MBD3: variants seen among roughly 807,000 people sequenced by gnomAD.
The protein encoded by MBD3 is methyl-CpG-binding domain protein 3.
A neutral mutation model predicts 31.2 loss-of-function variants in MBD3; 13 were observed. That is an observed-to-expected ratio of 0.42 (90% CI 0.27 to 0.66). The LOEUF (loss-of-function observed/expected upper bound fraction) is 0.66, where lower values mean the gene tolerates loss of function less well. MBD3 is among the 30% of genes least tolerant of loss of function. MBD3 has a pLI of 0.26. For synonymous variants in MBD3, 223 were observed against 187.4 expected, an observed-to-expected ratio of 1.19 and a Z score of -1.55; for missense variants, 440 against 426.5, an observed-to-expected ratio of 1.03 and a Z score of -0.28.
chr19:1,575,357 G>A lies in MBD3; in HGVS notation c.*2807C>T, dbSNP rs926330422. ...GGAGGTTGCAGTGAGCCCAGATCAC[G>A]CCACTGCACTCCAGCCTGTGCAACA... On this transcript the variant is annotated 3_prime_UTR_variant, in exon 7 of 7. Coordinates refer to ENST00000434436, the MANE Select transcript of MBD3 (RefSeq NM_001281453.2). 14 of 416,556 alleles carry A rather than the reference G, an allele frequency of 3.4e-5. No individual in the cohort carries two copies. The highest frequency in any genetic ancestry group is 1.4e-4 in the African/African-American group (7 of 48,432). 25.8% of individuals were successfully genotyped at this position (416,556 alleles called of 1,614,324 possible). A position where few individuals can be genotyped will look rare whatever the true frequency, so the allele number is the denominator to read the frequency against.
chr19:1,582,568 C>A lies in MBD3; in HGVS notation c.499+54G>T, dbSNP rs375272004. 1.9e-6 allele frequency: 3 copies of A among 1,553,526 alleles called. 1 individual carries two copies. The highest frequency in any genetic ancestry group is 2.3e-5 in the South Asian group (2 of 87,902). ...CCAGGAGATGAGGGCACCTGCAGCA[C>A]CTCCACCCCACCCGGCACATCCCCT... On this transcript the variant is annotated intron_variant, in intron 4 of 6. Transcript: ENST00000434436.
At chr19:1,579,530 A>G (rs552695542) in intron 5 of MBD3, among the ~76,000 whole-genome samples, 1 of 152,166 alleles carries the variant, frequency 6.6e-6, no homozygotes, top group Non-Finnish European at 1.5e-5. Flanking sequence ...TTTCAGTCCC[A>G]GGCAAAGCTG....
At chr19:1,584,747 GC>G in intron 2 of MBD3, 70 bp from the exon 3 acceptor site, 1 of 1,505,628 alleles carries the variant, frequency 6.6e-7, no homozygotes, top group South Asian at 1.2e-5. Context: ...GGGGTGCGGG[GC>G]CCGGGTGACC....
intron 1 of MBD3, 152 bp downstream of exon 1, chr19:1,592,370 G>A (rs2060708374): frequency 5.3e-6 from 1 of 187,516 alleles, no homozygotes; most frequent in South Asian, 1.9e-4. Flanking sequence ...GGGCCTCCGC[G>A]CGCCGGGCGC....
In MBD3 at chr19:1,578,375, C is replaced by G. The variant is rs1568272990; in HGVS notation, c.841G>C (p.Glu281Gln). 1.4e-6 allele frequency: 2 copies of G among 1,379,490 alleles called. No homozygotes were observed. The highest frequency in any genetic ancestry group is 1.9e-6 in the Non-Finnish European group (2 of 1,034,128). 85.5% of individuals were successfully genotyped at this position (1,379,490 alleles called of 1,614,324 possible). The stretch of plus-strand genomic sequence containing the variant: ...TCCATCTCCGGGTCCGGGTCGGGCT[C>G]CTCCTCCTCCTCCTCCTCGTCTTCC... ...DEEDEEEEEE[E>Q]PDPDPEMEHV Residue 281 changes from glutamate to glutamine, a missense_variant, in exon 6 of 7, where the codon GAG becomes CAG. Around this residue, in one of 3 missense-constraint regions of MBD3, gnomAD observed 117 missense variants for 95.0 expected, o/e 1.23. Coordinates refer to ENST00000434436, the MANE Select transcript of MBD3 (RefSeq NM_001281453.2). The surrounding 1 kb of genome is among the most constrained non-coding windows in gnomAD (Gnocchi z 6.1).
intron 5 of MBD3, among the ~76,000 whole-genome samples, chr19:1,580,612 G>A (rs904033498): frequency 6.6e-5 from 10 of 152,222 alleles, no homozygotes; most frequent in African/African-American, 2.4e-4. Context: ...GTTCGGCCCT[G>A]AGGCCCCGCA....
Position 1,578,641 on chromosome 19 carries a change from T to A in MBD3, c.678-103A>T. 4 of 1,595,608 alleles carry A rather than the reference T, an allele frequency of 2.5e-6. No individual in the cohort carries two copies. Among genetic ancestry groups the A allele is most frequent in the East Asian group, 4.5e-5 (2 of 44,798 alleles). On this transcript the variant is annotated intron_variant, in intron 5 of 6. Transcript: ENST00000434436. The surrounding 1 kb of genome is among the most constrained non-coding windows in gnomAD (Gnocchi z 6.1). ...CAGCTGGGAGGGGAGGCCCGAGGGA[T>A]CCACAGGCACCCCCCCAGGACCAGC...
intron 3 of MBD3, 119 bp from the exon 4 acceptor site, chr19:1,582,831 C>A: frequency 1.2e-6 from 1 of 806,784 alleles, no homozygotes; most frequent in Non-Finnish European, 2.1e-6. Flanking sequence ...CCCAATGGGG[C>A]ATCTCCCCTC....
Position 1,584,648 on chromosome 19 carries a change from G to C in MBD3, c.300C>G (p.Pro100=). Reference sequence around the variant, plus strand: ...TGAAGATGGACGCCGTCTGGCGCACGGGCAGCGCCGTGTTCAGGTCGGGCT... The same window carrying C: ...TGAAGATGGACGCCGTCTGGCGCACCGGCAGCGCCGTGTTCAGGTCGGGCT... ...KGKPDLNTAL[P]VRQTASIFKQ... The change falls in exon 3 of 7, where the codon CCC becomes CCG. Residue 100 remains proline (P), a synonymous_variant. Transcript: ENST00000434436. 5 of 1,613,310 alleles carry C rather than the reference G, an allele frequency of 3.1e-6. No individual in the cohort carries two copies. Among genetic ancestry groups the C allele is most frequent in the Non-Finnish European group, 4.2e-6 (5 of 1,179,848 alleles).
rs1049925102 is a variant in MBD3, at chr19:1,576,485, T to A, written c.*1679A>T. 1.3e-5 allele frequency: 2 copies of A among 152,252 alleles called. No individual in the cohort carries two copies. The highest frequency in any genetic ancestry group is 4.8e-5 in the African/African-American group (2 of 41,450). The allele number at this position is 152,252 out of a possible 1,614,324, so 9.4% of individuals were successfully genotyped here. ...AGCGGCACCTCAGGGGGCACGGCCC[T>A]TGCCCACAGATGCCCAGGCCGGCCT... On this transcript the variant is annotated 3_prime_UTR_variant, in exon 7 of 7. Coordinates refer to ENST00000434436, the MANE Select transcript of MBD3 (RefSeq NM_001281453.2).
At chr19:1,591,130 G>A (rs1305275794) in intron 1 of MBD3, among the ~76,000 whole-genome samples, 1 of 152,116 alleles carries the variant, frequency 6.6e-6, no homozygotes, top group Non-Finnish European at 1.5e-5. Context: ...TCAATGTCAC[G>A]TCCTCAGAGA....
intron 1 of MBD3, among the ~76,000 whole-genome samples, chr19:1,586,701 CTG>C (rs1046726844): frequency 6.7e-5 from 10 of 150,276 alleles, no homozygotes; most frequent in African/African-American, 2.2e-4. Context: ...GAGTCTCACT[CTG>C]TCGCCCAGGC....
At position 1,582,732 on chromosome 19, in the gene MBD3, G is replaced by A. The variant is rs144681868; in HGVS notation, c.409-20C>T. 1 of 1,606,320 alleles carries A rather than the reference G, an allele frequency of 6.2e-7. No individual in the cohort carries two copies. Among genetic ancestry groups the A allele is most frequent in the African/African-American group, 1.3e-5 (1 of 74,808 alleles). On this transcript the variant is annotated intron_variant, in intron 3 of 6. Coordinates refer to ENST00000434436, the MANE Select transcript of MBD3 (RefSeq NM_001281453.2). The stretch of plus-strand genomic sequence containing the variant: ...GAAGAGCTGCCCCAGACACATATGT[G>A]AACCTCAAGAGTGGCCCTGCCCTCT...
chr19:1,578,227 G>A lies in MBD3; in HGVS notation c.*6-69C>T. 5 of 1,528,816 alleles carry A rather than the reference G, an allele frequency of 3.3e-6. No homozygotes were observed. The highest frequency in any genetic ancestry group is 2.3e-5 in the South Asian group (2 of 87,468). 94.7% of individuals were successfully genotyped at this position (1,528,816 alleles called of 1,614,324 possible). A position where few individuals can be genotyped will look rare whatever the true frequency, so the allele number is the denominator to read the frequency against. On this transcript the variant is annotated intron_variant, in intron 6 of 6. Coordinates refer to ENST00000434436, the MANE Select transcript of MBD3 (RefSeq NM_001281453.2). The surrounding 1 kb of genome is among the most constrained non-coding windows in gnomAD (Gnocchi z 6.1). The stretch of plus-strand genomic sequence containing the variant: ...GGGGACGCTTGGGCTCTTCTAGGGA[G>A]ATGGGAAGCTCTTGGGAGGCACCCG...
At position 1,578,388 on chromosome 19, in the gene MBD3, C is replaced by CTCCTCGTCT; in HGVS notation, c.819_827dup (p.Asp274_Glu276dup). ...CCGGGTCGGGCTCCTCCTCCTCCTC[C>CTCCTCGTCT]TCCTCGTCTTCCTCGTCGTCGTCCT... is the stretch of plus-strand genomic sequence containing the variant. On this transcript the variant is annotated inframe_insertion, in exon 6 of 7. Coordinates refer to ENST00000434436, the MANE Select transcript of MBD3 (RefSeq NM_001281453.2). This position sits in a 1 kb window ranked among gnomAD's most constrained non-coding sequence, Gnocchi z 6.1. 6.2e-7 allele frequency: 1 copy of CTCCTCGTCT among 1,604,390 alleles called. No individual in the cohort carries two copies. Among genetic ancestry groups the CTCCTCGTCT allele is most frequent in the Non-Finnish European group, 8.5e-7 (1 of 1,179,682 alleles).
At position 1,578,611 on chromosome 19, in the gene MBD3, G is replaced by T; in HGVS notation, c.678-73C>A. On this transcript the variant is annotated intron_variant, in intron 5 of 6. Coordinates refer to ENST00000434436, the MANE Select transcript of MBD3 (RefSeq NM_001281453.2). The surrounding 1 kb of genome is among the most constrained non-coding windows in gnomAD (Gnocchi z 6.1). Reference sequence around the variant, plus strand: ...GACATGGACACAGGATGAACGTGGGGACCTCAGCTGGGAGGGGAGGCCCGA... The same window carrying T: ...GACATGGACACAGGATGAACGTGGGTACCTCAGCTGGGAGGGGAGGCCCGA... The T allele has an allele frequency of 6.2e-7, 1 of 1,602,176 alleles. No individual in the cohort carries two copies.
At chr19:1,586,745 C>T (rs964213381) in intron 1 of MBD3, among the ~76,000 whole-genome samples, 1 of 150,258 alleles carries the variant, frequency 6.7e-6, no homozygotes, top group Non-Finnish European at 1.5e-5. Context: ...TGGCTCTCTG[C>T]AACCTCCACC....
intron 4 of MBD3, 41 bp downstream of exon 4, chr19:1,582,581 C>T (rs374183018): frequency 2.0e-4 from 324 of 1,589,152 alleles, no homozygotes; most frequent in South Asian, 1.8e-3. Context: ...CCACCCCACC[C>T]GGCACATCCC....
chr19:1,581,494 G>A, intron 4 of MBD3: 1 of 601,760 alleles, frequency 1.7e-6, no homozygotes, highest in Non-Finnish European at 3.0e-6. Flanking sequence ...TGTAATCCCA[G>A]CATCTTGGGA....
Sources: gnomAD v4.1 joint callset for allele counts (sites outside exome capture counted in the v4.1 genomes callset) on GRCh38, gnomAD v4.1.1 for gene constraint, gnomAD v4.1.1 regional missense constraint, Gnocchi (gnomAD v3.1) non-coding constraint, MANE v1.5 for transcripts, NCBI Gene and HGNC (gene_info 2026-07-23, HGNC 2026-07-21) for gene names.